The following NBEA variants were observed in gnomAD, a reference collection of about 807,000 sequenced individuals.
NBEA encodes neurobeachin.
A neutral mutation model predicts 343.4 loss-of-function variants in NBEA; 44 were observed. The ratio of observed to expected loss-of-function variants is 0.13; its 90% CI spans 0.10 to 0.16. The LOEUF is 0.16. Ranked by LOEUF, NBEA falls within the 10% of genes least tolerant of loss-of-function variation. The probability of loss-of-function intolerance (pLI) is 1.00; values close to 1 mark genes in which losing one functional copy is unlikely to be tolerated. For synonymous variants in NBEA, 1,175 were observed against 1,238.7 expected, an observed-to-expected ratio of 0.95 and a Z score of 1.08; for missense variants, 2,555 against 3,631.3, an observed-to-expected ratio of 0.70 and a Z score of 7.62.
At chr13:35,088,292 T>C (rs547036291) in intron 10 of NBEA, among the ~76,000 whole-genome samples, 1 of 152,046 alleles carries the variant, frequency 6.6e-6, no homozygotes, top group East Asian at 1.9e-4. Flanking sequence ...ACAGGTTTAA[T>C]ATAATTAGGA....
intron 49 of NBEA, among the ~76,000 whole-genome samples, chr13:35,630,760 C>T (rs1045083270): frequency 1.3e-5 from 2 of 152,130 alleles, no homozygotes; most frequent in Admixed American, 6.5e-5. Context: ...TCCCCCAGCC[C>T]CCAGAGGCCT....
intron 36 of NBEA, among the ~76,000 whole-genome samples, chr13:35,314,697 T>C (rs1256726225): frequency 1.3e-5 from 2 of 152,190 alleles, no homozygotes; most frequent in Non-Finnish European, 2.9e-5. Context: ...TTCTCATCTG[T>C]AGAATACTGT....
intron 31 of NBEA, among the ~76,000 whole-genome samples, chr13:35,197,668 A>C (rs557492020): frequency 6.6e-6 from 1 of 151,950 alleles, no homozygotes; most frequent in African/African-American, 2.4e-5. Context: ...ACGCCTGGCT[A>C]ATTTTTGTAT....
intron 17 of NBEA, among the ~76,000 whole-genome samples, chr13:35,135,739 A>T (rs1012406140): frequency 1.3e-5 from 2 of 151,962 alleles, no homozygotes; most frequent in East Asian, 3.9e-4. Context: ...GTAGAATAGA[A>T]AGCACAGAAA....
At chr13:34,980,350 C>G (rs1300536024) in intron 1 of NBEA, among the ~76,000 whole-genome samples, 1 of 151,828 alleles carries the variant, frequency 6.6e-6, no homozygotes, top group East Asian at 1.9e-4. Flanking sequence ...ATGTATCTCT[C>G]TAATTTACTA....
chr13:35,091,453 A>G (rs1302352398), intron 10 of NBEA, among the ~76,000 whole-genome samples: 1 of 151,994 alleles, frequency 6.6e-6, no homozygotes, highest in Non-Finnish European at 1.5e-5. Context: ...CTGCTACAAT[A>G]AGGTAAGAAA....
At chr13:35,088,396 A>G (rs1313700579) in intron 10 of NBEA, among the ~76,000 whole-genome samples, 1 of 151,850 alleles carries the variant, frequency 6.6e-6, no homozygotes, top group Non-Finnish European at 1.5e-5. Flanking sequence ...GCCAGTTTTT[A>G]TGGTCGTTGA....
At chr13:35,013,241 GTGTT>G (rs1264794020) in intron 1 of NBEA, among the ~76,000 whole-genome samples, 1 of 152,034 alleles carries the variant, frequency 6.6e-6, no homozygotes, top group Non-Finnish European at 1.5e-5. Flanking sequence ...TTATAGTCCA[GTGTT>G]TGTATATAAC....
chr13:35,137,530 C>T (rs2067810964), intron 17 of NBEA, among the ~76,000 whole-genome samples: 1 of 149,734 alleles, frequency 6.7e-6, no homozygotes. Flanking sequence ...ATGCCCTTTT[C>T]TTTATTTTCT....
At chr13:34,998,990 C>T (rs1031908617) in intron 1 of NBEA, among the ~76,000 whole-genome samples, 3 of 152,104 alleles carry the variant, frequency 2.0e-5, no homozygotes, top group Admixed American at 1.3e-4. Context: ...ATTTGGGGAA[C>T]TACTAAGTGT....
intron 56 of NBEA, among the ~76,000 whole-genome samples, chr13:35,666,867 T>G (rs2085379427): frequency 6.6e-6 from 1 of 152,220 alleles, no homozygotes; most frequent in South Asian, 2.1e-4. Context: ...GCTGAAATAC[T>G]TAAGTTTTCT....
intron 1 of NBEA, among the ~76,000 whole-genome samples, chr13:34,950,597 A>G (rs933646514): frequency 6.6e-6 from 1 of 151,326 alleles, no homozygotes; most frequent in Non-Finnish European, 1.5e-5. Flanking sequence ...TTTAATTTCT[A>G]ATATTCTAAA....
chr13:35,611,975 A>G lies in NBEA; in HGVS notation c.7449+5397A>G, dbSNP rs184527263. 3.3e-5 allele frequency among the ~76,000 whole-genome samples: 5 copies of G among 152,260 alleles called. No individual in the cohort carries two copies. In the East Asian group the frequency reaches 9.6e-4, roughly 29 times the overall value. ...TGGTAAATTTATGTTTAACTTCTTA[A>G]GAAACTGCCCAGCTGTTTCTCAAAA... On this transcript the variant is annotated intron_variant, in intron 48 of 58. Transcript: ENST00000379939.
chr13:35,494,706 G>T (rs186202737), intron 41 of NBEA, among the ~76,000 whole-genome samples: 1 of 151,996 alleles, frequency 6.6e-6, no homozygotes, highest in East Asian at 2.0e-4. Flanking sequence ...AAATGTAAAT[G>T]GATTAAACAG....
chr13:35,285,359 G>A (rs1040847097), intron 34 of NBEA, among the ~76,000 whole-genome samples: 4 of 152,094 alleles, frequency 2.6e-5, no homozygotes, highest in African/African-American at 9.7e-5. Context: ...ATCATTAGAA[G>A]ATTAACTAAA....
At chr13:35,431,416 T>C (rs1355047653) in intron 38 of NBEA, among the ~76,000 whole-genome samples, 1 of 152,182 alleles carries the variant, frequency 6.6e-6, no homozygotes, top group Admixed American at 6.5e-5. Context: ...TTACTAATGT[T>C]TATTGAAAAT....
At chr13:35,558,184 G>C (rs977134118) in intron 44 of NBEA, among the ~76,000 whole-genome samples, 1 of 152,120 alleles carries the variant, frequency 6.6e-6, no homozygotes, top group African/African-American at 2.4e-5. Flanking sequence ...AGCAAGTAAA[G>C]TATGGTTTCT....
intron 48 of NBEA, among the ~76,000 whole-genome samples, chr13:35,608,284 G>A (rs773336392): frequency 6.6e-5 from 10 of 151,902 alleles, no homozygotes; most frequent in Middle Eastern, 3.4e-3. Context: ...TCAGATATAT[G>A]CAGTTATTTC....
chr13:35,229,713 T>G (rs1053981459), intron 33 of NBEA, among the ~76,000 whole-genome samples: 2 of 152,162 alleles, frequency 1.3e-5, no homozygotes, highest in Non-Finnish European at 1.5e-5. Flanking sequence ...TCTTTTTTGG[T>G]ATTTTTTGTA....
Sources: gnomAD v4.1 joint callset for allele counts (sites outside exome capture counted in the v4.1 genomes callset) on GRCh38, gnomAD v4.1.1 for gene constraint, MANE v1.5 for transcripts, NCBI Gene and HGNC (gene_info 2026-07-23, HGNC 2026-07-21) for gene names.